The following PLCH1 variants were observed in gnomAD, a reference collection of about 807,000 sequenced individuals.
PLCH1 encodes the protein phospholipase C eta 1.
A neutral mutation model predicts 126.7 loss-of-function variants in PLCH1; 60 were observed. The observed-to-expected ratio is 0.47, with a 90% CI of 0.38 to 0.59. The LOEUF is 0.59. Ranked by LOEUF, PLCH1 falls within the 20% of genes least tolerant of loss-of-function variation. The pLI, the probability that PLCH1 is intolerant of heterozygous loss-of-function variation, is 0.00. For synonymous variants in PLCH1, 719 were observed against 734.9 expected (o/e 0.98, Z 0.35); for missense variants, 1,723 against 2,040.0 (o/e 0.84, Z 2.99).
chr3:155,472,727 A>G (rs1019106015), intron 21 of PLCH1, among the ~76,000 whole-genome samples: 9 of 150,134 alleles, frequency 6.0e-5, no homozygotes, highest in Non-Finnish European at 1.3e-4. Context: ...AAGCTTATCC[A>G]CCATGATCAA....
chr3:155,544,456 C>G (rs1724890251), intron 10 of PLCH1, among the ~76,000 whole-genome samples: 1 of 152,236 alleles, frequency 6.6e-6, no homozygotes, highest in African/African-American at 2.4e-5. Flanking sequence ...TAACACCCCA[C>G]TGTCAACATT....
In PLCH1 at chr3:155,679,076, C is replaced by A. The variant is rs745650677; in HGVS notation, c.79+25070G>T. 8.5e-5 allele frequency among the ~76,000 whole-genome samples: 13 copies of A among 152,152 alleles called. No homozygotes were observed. The East Asian group carries it at 1.5e-3, about 18-fold the overall frequency. ...ATGGAAGATGGAGAAAGATGTAAGC[C>A]CCAGCCTCTTCCTTGATTCACTGCC... On this transcript the variant is annotated intron_variant, in intron 2 of 22. Coordinates refer to ENST00000460012, the MANE Select transcript of PLCH1 (RefSeq NM_014996.4).
intron 13 of PLCH1, among the ~76,000 whole-genome samples, chr3:155,503,627 T>G (rs1230881714): frequency 2.0e-5 from 3 of 151,310 alleles, no homozygotes; most frequent in Admixed American, 6.6e-5. Context: ...AACCTCTGCC[T>G]CCTGGGTTCA....
chr3:155,494,569 C>T (rs1716737483), intron 15 of PLCH1, 52 bp from the exon 16 acceptor site: 1 of 1,373,512 alleles, frequency 7.3e-7, no homozygotes, highest in East Asian at 2.3e-5. Flanking sequence ...GCAAAGAAAA[C>T]ACCACGCACA....
chr3:155,724,596 T>C (rs1488190367), intron 1 of PLCH1, among the ~76,000 whole-genome samples: 3 of 152,208 alleles, frequency 2.0e-5, no homozygotes, highest in Non-Finnish European at 4.4e-5. Context: ...GCATAGAATA[T>C]CTTTTTTCAC....
chr3:155,655,963 G>A (rs573117184), intron 2 of PLCH1, among the ~76,000 whole-genome samples: 61 of 151,918 alleles, frequency 4.0e-4, no homozygotes, highest in African/African-American at 1.4e-3. Flanking sequence ...GAATGAGAAA[G>A]CACAAATAAA....
intron 2 of PLCH1, among the ~76,000 whole-genome samples, chr3:155,599,884 T>C (rs1733496693): frequency 1.3e-5 from 2 of 152,348 alleles, no homozygotes; most frequent in South Asian, 4.1e-4. Context: ...GCCATGGCTA[T>C]AACAGCTCAA....
At chr3:155,610,230 A>C (rs1292845709) in intron 2 of PLCH1, among the ~76,000 whole-genome samples, 1 of 151,940 alleles carries the variant, frequency 6.6e-6, no homozygotes, top group Non-Finnish European at 1.5e-5. Flanking sequence ...GCATGGTTGC[A>C]CATGCCTATA....
At chr3:155,585,985 A>C (rs2108607365) in intron 5 of PLCH1, 80 bp downstream of exon 5, 1 of 1,282,492 alleles carries the variant, frequency 7.8e-7, no homozygotes, top group Non-Finnish European at 1.1e-6. Flanking sequence ...CAACAAAACA[A>C]AATAGCTTTT....
intron 2 of PLCH1, among the ~76,000 whole-genome samples, chr3:155,659,853 C>G (rs958299578): frequency 6.6e-6 from 1 of 151,986 alleles, no homozygotes; most frequent in African/African-American, 2.4e-5. Context: ...AGGATAGACT[C>G]GAACTCCTGG....
intron 1 of PLCH1, among the ~76,000 whole-genome samples, chr3:155,714,164 T>A (rs1223057428): frequency 1.3e-5 from 2 of 152,166 alleles, no homozygotes; most frequent in African/African-American, 4.8e-5. Flanking sequence ...CACCCAGGTA[T>A]CCCTAAAACT....
chr3:155,699,268 G>A (rs2109067212), intron 2 of PLCH1, among the ~76,000 whole-genome samples: 1 of 152,060 alleles, frequency 6.6e-6, no homozygotes, highest in East Asian at 1.9e-4. Flanking sequence ...ATAGAGACAG[G>A]GTTTCGCCAT....
chr3:155,739,028 T>C (rs1174888683), intron 1 of PLCH1, among the ~76,000 whole-genome samples: 1 of 152,232 alleles, frequency 6.6e-6, no homozygotes, highest in Non-Finnish European at 1.5e-5. Flanking sequence ...ACGATGACAT[T>C]CCTGAGCCCA....
At chr3:155,551,857 A>G (rs1452114131) in intron 9 of PLCH1, among the ~76,000 whole-genome samples, 1 of 152,170 alleles carries the variant, frequency 6.6e-6, no homozygotes, top group East Asian at 1.9e-4. Flanking sequence ...CTTTTCTTCT[A>G]AGAGTTCCCA....
chr3:155,691,573 G>C (rs372594590), intron 2 of PLCH1, among the ~76,000 whole-genome samples: 10 of 152,328 alleles, frequency 6.6e-5, no homozygotes, highest in African/African-American at 2.4e-4. Context: ...AACAGAGGTA[G>C]AGCAGATATC....
intron 2 of PLCH1, among the ~76,000 whole-genome samples, chr3:155,614,066 A>T (rs1315162161): frequency 6.6e-6 from 1 of 152,210 alleles, no homozygotes; most frequent in African/African-American, 2.4e-5. Flanking sequence ...AAATAAATAG[A>T]ATACTTAAAA....
At chr3:155,587,619 A>G (rs1388676895) in intron 4 of PLCH1, among the ~76,000 whole-genome samples, 1 of 152,252 alleles carries the variant, frequency 6.6e-6, no homozygotes, top group Admixed American at 6.5e-5. Context: ...ATGTGCTAGG[A>G]GGTGCCCTCA....
At chr3:155,709,692 A>G (rs71310443) in intron 1 of PLCH1, among the ~76,000 whole-genome samples, 1 of 152,042 alleles carries the variant, frequency 6.6e-6, no homozygotes, top group African/African-American at 2.4e-5. Flanking sequence ...TCAAGGCTCA[A>G]CTGCAGCCTC....
chr3:155,506,246 A>G (rs980168320), intron 12 of PLCH1, among the ~76,000 whole-genome samples: 4 of 152,120 alleles, frequency 2.6e-5, no homozygotes, highest in Non-Finnish European at 4.4e-5. Context: ...GCCCAAAGTT[A>G]CAAAGCTTGT....
Sources: gnomAD v4.1 joint callset for allele counts (sites outside exome capture counted in the v4.1 genomes callset) on GRCh38, gnomAD v4.1.1 for gene constraint, MANE v1.5 for transcripts, NCBI Gene and HGNC (gene_info 2026-07-23, HGNC 2026-07-21) for gene names.